VTI1A: variants seen among roughly 807,000 people sequenced by gnomAD.
The protein encoded by VTI1A is vesicle transport through interaction with t-SNAREs 1A, also known as vesicle transport through interaction with t-SNAREs homolog 1A.
Under a neutral mutation model 34.9 loss-of-function variants are expected in VTI1A, and 22 were observed. That is an observed-to-expected ratio of 0.63 (90% CI 0.45 to 0.90). The LOEUF (loss-of-function observed/expected upper bound fraction) is 0.90. VTI1A is among the 40% of genes least tolerant of loss of function. The probability of loss-of-function intolerance (pLI) is 0.00; values close to 1 mark genes in which losing one functional copy is unlikely to be tolerated. For synonymous variants in VTI1A, 87 were observed against 97.3 expected (o/e 0.89, Z 0.62); for missense variants, 268 against 275.6 (o/e 0.97, Z 0.20).
At chr10:112,594,359 A>G (rs1285822937) in intron 5 of VTI1A, among the ~76,000 whole-genome samples, 2 of 152,186 alleles carry the variant, frequency 1.3e-5, no homozygotes, top group Non-Finnish European at 2.9e-5. Context: ...TTAGGAAAAG[A>G]GGAAGTCAAA....
intron 5 of VTI1A, among the ~76,000 whole-genome samples, chr10:112,550,150 C>T (rs921758820): frequency 1.3e-5 from 2 of 152,114 alleles, no homozygotes; most frequent in Admixed American, 6.5e-5. Context: ...GTAAGATACA[C>T]GTGGAGCCAT....
intron 3 of VTI1A, among the ~76,000 whole-genome samples, chr10:112,513,098 A>G (rs1039365105): frequency 3.3e-5 from 5 of 151,960 alleles, no homozygotes; most frequent in Admixed American, 3.3e-4. Context: ...TTTGATAGAG[A>G]TTGCATTGAA....
At chr10:112,587,824 TCTC>T (rs1478355043) in intron 5 of VTI1A, among the ~76,000 whole-genome samples, 1 of 152,070 alleles carries the variant, frequency 6.6e-6, no homozygotes, top group African/African-American at 2.4e-5. Context: ...ACTTCCTTCT[TCTC>T]CTCCCTCCCT....
chr10:112,452,132 A>G (rs1340674493), intron 1 of VTI1A, among the ~76,000 whole-genome samples: 3 of 152,296 alleles, frequency 2.0e-5, no homozygotes, highest in East Asian at 3.9e-4. Flanking sequence ...ACTCACTGCT[A>G]CAATAGTTTG....
intron 7 of VTI1A, among the ~76,000 whole-genome samples, chr10:112,792,283 A>G (rs1464754164): frequency 6.6e-6 from 1 of 152,172 alleles, no homozygotes; most frequent in Admixed American, 6.5e-5. Flanking sequence ...TCTCAAAACA[A>G]ACAAACAAAA....
chr10:112,699,892 G>A (rs1848936339), intron 7 of VTI1A, among the ~76,000 whole-genome samples: 2 of 151,420 alleles, frequency 1.3e-5, no homozygotes, highest in Non-Finnish European at 1.5e-5. Flanking sequence ...AGGCCAAGGC[G>A]GGTGGATCAC....
chr10:112,809,819 C>T (rs1177097083), intron 7 of VTI1A, among the ~76,000 whole-genome samples: 1 of 152,068 alleles, frequency 6.6e-6, no homozygotes, highest in African/African-American at 2.4e-5. Flanking sequence ...GGAAGGTCCA[C>T]TTTTTACTGG....
At chr10:112,449,244 C>T (rs1007678155) in intron 1 of VTI1A, 7 of 152,204 alleles carry the variant, frequency 4.6e-5, no homozygotes, top group African/African-American at 1.7e-4. Flanking sequence ...GAGTTTTACT[C>T]ATTTTTAATT....
At chr10:112,493,120 A>T (rs1848893105) in intron 3 of VTI1A, among the ~76,000 whole-genome samples, 1 of 152,206 alleles carries the variant, frequency 6.6e-6, no homozygotes, top group South Asian at 2.1e-4. Context: ...CAATCCATTT[A>T]GTTAGATTTT....
Position 112,447,222 on chromosome 10 carries a change from C to G in VTI1A, c.-152C>G, listed in dbSNP as rs1013492236. The G allele has an allele frequency of 1.6e-5, 11 of 695,556 alleles. No homozygotes were observed. Among genetic ancestry groups the G allele is most frequent in the Non-Finnish European group, 2.3e-5 (10 of 439,672 alleles). 43.1% of individuals were successfully genotyped at this position (695,556 alleles called of 1,614,324 possible). On this transcript the variant is annotated 5_prime_UTR_variant, in exon 1 of 8. Coordinates refer to ENST00000393077, the MANE Select transcript of VTI1A (RefSeq NM_145206.4). Reference sequence around the variant, plus strand: ...GAGAACCGAGATTGCGACGAACAACCAGGAAGCGGCTGGGTTGAGAGCTGT... The same window carrying G: ...GAGAACCGAGATTGCGACGAACAACGAGGAAGCGGCTGGGTTGAGAGCTGT...
At chr10:112,806,228 G>A (rs1853071161) in intron 7 of VTI1A, among the ~76,000 whole-genome samples, 1 of 152,114 alleles carries the variant, frequency 6.6e-6, no homozygotes, top group South Asian at 2.1e-4. Flanking sequence ...GGCTACTAAT[G>A]GCTGATGATG....
chr10:112,606,445 G>A (rs1161453023), intron 5 of VTI1A, among the ~76,000 whole-genome samples: 2 of 152,148 alleles, frequency 1.3e-5, no homozygotes. Context: ...CCACTCATTT[G>A]TCACTTACTG....
chr10:112,837,296 C>T, the VTI1A span, among the ~76,000 whole-genome samples: 1 of 151,990 alleles, frequency 6.6e-6, no homozygotes, highest in Non-Finnish European at 1.5e-5. Flanking sequence ...CACTGCACTT[C>T]AGCCTAGGTG....
At chr10:112,659,406 T>C (rs1413785029) in intron 5 of VTI1A, among the ~76,000 whole-genome samples, 1 of 152,192 alleles carries the variant, frequency 6.6e-6, no homozygotes, top group Non-Finnish European at 1.5e-5. Flanking sequence ...ATTAACATGG[T>C]TCCTTTTGTT....
chr10:112,791,994 G>A (rs565989822), intron 7 of VTI1A, among the ~76,000 whole-genome samples: 9 of 152,108 alleles, frequency 5.9e-5, no homozygotes, highest in East Asian at 3.9e-4. Context: ...CTGTGGACTC[G>A]GCCAGGCACG....
chr10:112,487,090 C>T (rs761306412), intron 3 of VTI1A, among the ~76,000 whole-genome samples: 5 of 151,956 alleles, frequency 3.3e-5, no homozygotes, highest in Non-Finnish European at 5.9e-5. Context: ...ACTCTGCATC[C>T]GGGTTGAGAA....
intron 2 of VTI1A, among the ~76,000 whole-genome samples, chr10:112,462,056 G>C (rs547082486): frequency 8.5e-5 from 13 of 152,294 alleles, no homozygotes; most frequent in Middle Eastern, 3.4e-3. Context: ...CACCATGTTA[G>C]TCAGGCTGGT....
Position 112,526,431 on chromosome 10 carries a change from C to T in VTI1A, c.265-656C>T, listed in dbSNP as rs531468620. Among the ~76,000 whole-genome samples the T allele has an allele frequency of 4.5e-4, 69 of 152,252 alleles. 1 individual carries two copies. Among genetic ancestry groups the T allele is most frequent in the Middle Eastern group, 3.4e-3 (1 of 294 alleles). ...TTCTTTTACCAGACACACACATGTA[C>T]GCATGCATGCACACATGCACACACA... On this transcript the variant is annotated intron_variant, in intron 3 of 7. Coordinates refer to ENST00000393077, the MANE Select transcript of VTI1A (RefSeq NM_145206.4).
chr10:112,496,189 C>G (rs78099571), intron 3 of VTI1A, among the ~76,000 whole-genome samples: 1 of 67,588 alleles, frequency 1.5e-5, no homozygotes, highest in Non-Finnish European at 3.0e-5. Flanking sequence ...GGGGAGACCC[C>G]CCCCCCCCCC....
Sources: gnomAD v4.1 joint callset for allele counts (sites outside exome capture counted in the v4.1 genomes callset) on GRCh38, gnomAD v4.1.1 for gene constraint, MANE v1.5 for transcripts, NCBI Gene and HGNC (gene_info 2026-07-23, HGNC 2026-07-21) for gene names.